The following CEP192 variants were observed in gnomAD, a reference collection of about 807,000 sequenced individuals.
CEP192 encodes centrosomal protein 192.
CEP192 carries 151 observed loss-of-function variants against 271.8 expected under a neutral mutation model. The observed-to-expected ratio is 0.56, with a 90% CI of 0.49 to 0.64. The LOEUF (loss-of-function observed/expected upper bound fraction) is 0.64, where lower values mean the gene tolerates loss of function less well. Ranked by LOEUF, CEP192 falls within the 30% of genes least tolerant of loss-of-function variation. The pLI is 0.00. For missense variants in CEP192, 2,910 were observed against 3,020.5 expected (o/e 0.96, Z 0.86); for synonymous variants, 995 against 1,076.5 (o/e 0.92, Z 1.48).
chr18:13,013,030 CCTTTTATATA>C lies in CEP192; in HGVS notation c.519+6_519+15del. On this transcript the variant is annotated splice_donor_region_variant and intron_variant, in intron 5 of 44. Transcript: ENST00000506447. ...ATGAATAATAAGGAACCCAAGGTAA[CCTTTTATATA>C]TTTGGTATCATTTTCTGGAGTACTA... 7.1e-7 allele frequency: 1 copy of C among 1,403,042 alleles called. No individual in the cohort carries two copies. The highest frequency in any genetic ancestry group is 2.0e-5 in the Admixed American group (1 of 49,680). The allele number at this position is 1,403,042 out of a possible 1,614,324, so 86.9% of individuals were successfully genotyped here. A position where few individuals can be genotyped will look rare whatever the true frequency, so the allele number is the denominator to read the frequency against.
At chr18:13,008,719 T>C (rs1340473623) in intron 4 of CEP192, 88 bp downstream of exon 4, 6 of 1,073,840 alleles carry the variant, frequency 5.6e-6, no homozygotes, top group African/African-American at 3.2e-5. Flanking sequence ...TTTTTTTTTT[T>C]TGAGGCAGGG....
At chr18:13,083,188 TCTC>T (rs1311835283) in intron 30 of CEP192, among the ~76,000 whole-genome samples, 2 of 152,212 alleles carry the variant, frequency 1.3e-5, no homozygotes, top group African/African-American at 4.8e-5. Context: ...GTGGGGAAGT[TCTC>T]CTGGATAATA....
chr18:13,096,335 G>A (rs775847209), intron 36 of CEP192, 28 bp downstream of exon 36: 95 of 1,601,212 alleles, frequency 5.9e-5, no homozygotes, highest in Non-Finnish European at 6.5e-5. Flanking sequence ...GTTGCTCTGC[G>A]TGTTACTTAG....
chr18:13,067,930 G>C lies in CEP192; in HGVS notation c.4588G>C (p.Val1530Leu). The C allele has an allele frequency of 1.9e-6, 3 of 1,612,304 alleles. No homozygotes were observed. Among genetic ancestry groups the C allele is most frequent in the South Asian group, 1.1e-5 (1 of 91,030 alleles). The part of the protein sequence containing the change: ...LKLINRTHAT[V>L]PIRLIINANA... ...ATTGATAAACCGAACGCATGCCACT[G>C]TGCCAATTAGACTGATTATTAATGC... Residue 1530 changes from valine to leucine, a missense_variant, in exon 22 of 45, where the codon GTG becomes CTG. Transcript: ENST00000506447.
intron 21 of CEP192, among the ~76,000 whole-genome samples, chr18:13,067,306 T>C (rs1308557001): frequency 6.6e-6 from 1 of 152,190 alleles, no homozygotes; most frequent in African/African-American, 2.4e-5. Context: ...CGGTGGGGGT[T>C]CCTGTACTGT....
At chr18:13,040,634 T>TA (rs1275978670) in intron 13 of CEP192, among the ~76,000 whole-genome samples, 196 bp from the exon 14 acceptor site, 2 of 152,194 alleles carry the variant, frequency 1.3e-5, no homozygotes, top group Non-Finnish European at 2.9e-5. Context: ...TTCTAATGGT[T>TA]AAAAGGTAGC....
In CEP192 at chr18:13,114,115, G is replaced by A; in HGVS notation, c.7168-15G>A. 6.2e-7 allele frequency: 1 copy of A among 1,604,654 alleles called. No homozygotes were observed. The highest frequency in any genetic ancestry group is 8.5e-7 in the Non-Finnish European group (1 of 1,177,550). ...TTTTATTTCTTCTCCGTTACCCTGT[G>A]ATTTTTCTGTATAGAGCATCGAAGC... On this transcript the variant is annotated splice_polypyrimidine_tract_variant and intron_variant, in intron 41 of 44. Transcript: ENST00000506447.
rs1457980368 is a variant in CEP192, at chr18:13,124,929, ATAT to A, written c.*163_*165del. On this transcript the variant is annotated 3_prime_UTR_variant, in exon 45 of 45. Coordinates refer to ENST00000506447, the MANE Select transcript of CEP192 (RefSeq NM_032142.4). ...AGCTAATACTGAAGACTCGACTGAA[ATAT>A]TATGTATCTAGCCCATAGTATTGTA... 1 of 585,120 alleles carries A rather than the reference ATAT, an allele frequency of 1.7e-6. No individual in the cohort carries two copies. Among genetic ancestry groups the A allele is most frequent in the African/African-American group, 1.9e-5 (1 of 53,750 alleles). 36.2% of individuals were successfully genotyped at this position (585,120 alleles called of 1,614,324 possible).
chr18:13,009,726 G>A (rs1394900408), intron 4 of CEP192, among the ~76,000 whole-genome samples: 8 of 152,148 alleles, frequency 5.3e-5, no homozygotes, highest in African/African-American at 1.7e-4. Context: ...CCAGCTACCC[G>A]GGAGGCTGAG....
intron 4 of CEP192, among the ~76,000 whole-genome samples, chr18:13,009,907 A>C (rs1341362297): frequency 6.6e-6 from 1 of 152,158 alleles, no homozygotes; most frequent in African/African-American, 2.4e-5. Context: ...ACTGTGGCTT[A>C]TGCCTGTAAT....
At chr18:13,068,570 C>G (rs2144386563) in intron 24 of CEP192, 148 bp downstream of exon 24, 1 of 751,130 alleles carries the variant, frequency 1.3e-6, no homozygotes, top group Non-Finnish European at 2.1e-6. Flanking sequence ...AGATGGCATG[C>G]TGTTTTGGGT....
chr18:13,080,255 C>T (rs980561242), intron 30 of CEP192, among the ~76,000 whole-genome samples: 9 of 152,178 alleles, frequency 5.9e-5, no homozygotes, highest in African/African-American at 2.2e-4. Context: ...GATATTGATT[C>T]TTCCTATCCA....
Position 13,113,447 on chromosome 18 carries a change from T to C in CEP192, c.7048-139T>C, listed in dbSNP as rs141925124. Reference sequence around the variant, plus strand: ...TAGAAATGAAATTGTCCAAATTCTTTCAATTAATGGCAAAACTAGCCAGTG... The same window carrying C: ...TAGAAATGAAATTGTCCAAATTCTTCCAATTAATGGCAAAACTAGCCAGTG... On this transcript the variant is annotated intron_variant, in intron 40 of 44. Coordinates refer to ENST00000506447, the MANE Select transcript of CEP192 (RefSeq NM_032142.4). 2,526 of 801,386 alleles carry C rather than the reference T, an allele frequency of 3.2e-3. 63 individuals are homozygous for C. In the East Asian group the frequency reaches 0.046, roughly 15 times the overall value. The allele number at this position is 801,386 out of a possible 1,614,324, so 49.6% of individuals were successfully genotyped here. A position where few individuals can be genotyped will look rare whatever the true frequency, so the allele number is the denominator to read the frequency against.
chr18:13,029,243 C>T (rs2035477789), intron 9 of CEP192, among the ~76,000 whole-genome samples: 1 of 152,206 alleles, frequency 6.6e-6, no homozygotes, highest in African/African-American at 2.4e-5. Flanking sequence ...TATAAACTGC[C>T]TTACTCCTAT....
At chr18:13,016,269 C>G (rs1238185933) in intron 6 of CEP192, among the ~76,000 whole-genome samples, 1 of 152,028 alleles carries the variant, frequency 6.6e-6, no homozygotes, top group Non-Finnish European at 1.5e-5. Flanking sequence ...AGGAGGAGGA[C>G]ATGTCAGGAA....
At chr18:13,122,408 G>A (rs369287827) in intron 44 of CEP192, among the ~76,000 whole-genome samples, 5 of 151,326 alleles carry the variant, frequency 3.3e-5, no homozygotes, top group East Asian at 2.0e-4. Flanking sequence ...GCAAAAGAGC[G>A]AGACACCGTC....
At chr18:13,122,126 A>G (rs916515742) in intron 44 of CEP192, among the ~76,000 whole-genome samples, 3 of 152,156 alleles carry the variant, frequency 2.0e-5, no homozygotes, top group African/African-American at 7.2e-5. Flanking sequence ...TGTCTCTACT[A>G]AAAATGCAAA....
chr18:13,015,837 C>G (rs1400942177), intron 6 of CEP192, among the ~76,000 whole-genome samples: 1 of 150,538 alleles, frequency 6.6e-6, no homozygotes, highest in Admixed American at 6.6e-5. Context: ...CCTCCACCTC[C>G]TGGGTTCAAG....
chr18:13,040,294 A>G (rs2036135196), intron 13 of CEP192, among the ~76,000 whole-genome samples: 1 of 152,238 alleles, frequency 6.6e-6, no homozygotes, highest in Admixed American at 6.5e-5. Context: ...GTGAAGACCA[A>G]TAAAAAATTG....
Sources: allele counts gnomAD v4.1 joint callset (sites outside exome capture counted in the v4.1 genomes callset), GRCh38; gene constraint gnomAD v4.1.1; transcripts MANE v1.5; gene names NCBI Gene and HGNC (gene_info 2026-07-23, HGNC 2026-07-21).